IL11RA: variants seen among roughly 807,000 people sequenced by gnomAD.
IL11RA encodes interleukin-11 receptor subunit alpha.
IL11RA carries 51 observed loss-of-function variants against 57.0 expected under a neutral mutation model. The ratio of observed to expected loss-of-function variants is 0.89; its 90% confidence interval spans 0.71 to 1.13. The LOEUF is 1.13. Ranked by LOEUF, IL11RA falls within the 50% of genes most tolerant of loss-of-function variation. The pLI is 0.00. For missense variants in IL11RA, 498 were observed against 539.4 expected (o/e 0.92, Z 0.76); for synonymous variants, 199 against 217.5 (o/e 0.91, Z 0.75).
intron 11 of IL11RA, 76 bp from the exon 12 acceptor site, chr9:34,660,778 C>G: frequency 7.3e-7 from 1 of 1,373,284 alleles, no homozygotes; most frequent in African/African-American, 1.4e-5. Flanking sequence ...TCTCCTGACC[C>G]TTTACTAATA....
Position 34,660,871 on chromosome 9 carries a change from G to C in IL11RA, c.1187G>C (p.Gly396Ala), listed in dbSNP as rs1821442741. ...ALGLWLRLRR[G>A]GKDGSPKPGF... Reference sequence around the variant, plus strand: ...TGCCCCAGGCTGAGGCTGAGACGGGGTGGGAAGGATGGATCCCCAAAGCCT... The same window carrying C: ...TGCCCCAGGCTGAGGCTGAGACGGGCTGGGAAGGATGGATCCCCAAAGCCT... Residue 396 changes from glycine to alanine, a missense_variant, in exon 12 of 13, where the codon GGT (glycine) becomes GCT (alanine). By Grantham distance (60) the Gly-to-Ala change is moderately conservative. Coordinates refer to ENST00000441545, the MANE Select transcript of IL11RA (RefSeq NM_001142784.3). 3 of 1,614,114 alleles carry C rather than the reference G, an allele frequency of 1.9e-6. No homozygotes were observed. In the South Asian group the frequency reaches 3.3e-5, roughly 18 times the overall value.
intron 6 of IL11RA, 29 bp downstream of exon 6, chr9:34,657,364 C>T: frequency 1.2e-6 from 2 of 1,614,106 alleles, no homozygotes; most frequent in Non-Finnish European, 1.7e-6. Flanking sequence ...TGTGGGGGCT[C>T]CAGCTGGGTC....
chr9:34,654,078 G>A (rs1821297437), intron 1 of IL11RA: 2 of 152,552 alleles, frequency 1.3e-5, no homozygotes, highest in Admixed American at 1.3e-4. Flanking sequence ...CAGACACACA[G>A]ACAGGTGGAG....
intron 2 of IL11RA, 71 bp from the exon 3 acceptor site, chr9:34,655,534 C>T: frequency 7.1e-7 from 1 of 1,412,482 alleles, no homozygotes; most frequent in Non-Finnish European, 1.0e-6. Context: ...CAGTCTGCTT[C>T]TTATCTGTCA....
intron 2 of IL11RA, 33 bp from the exon 3 acceptor site, chr9:34,655,572 G>A (rs377086387): frequency 6.2e-7 from 1 of 1,607,632 alleles, no homozygotes; most frequent in South Asian, 1.1e-5. Flanking sequence ...GGGGGGTAAA[G>A]GAAGAGCCTT....
At chr9:34,657,217 C>T (rs1286403435) in intron 5 of IL11RA, 68 bp downstream of exon 5, 1 of 1,606,408 alleles carries the variant, frequency 6.2e-7, no homozygotes, top group Non-Finnish European at 8.5e-7. Context: ...GTGTGGGAGG[C>T]AGGGAGGTAG....
chr9:34,655,629 G>A lies in IL11RA; in HGVS notation c.125G>A (p.Arg42Lys), dbSNP rs780635538. The A allele has an allele frequency of 6.2e-7, 1 of 1,614,140 alleles. No homozygotes were observed. Among genetic ancestry groups the A allele is most frequent in the Non-Finnish European group, 8.5e-7 (1 of 1,180,020 alleles). The change falls in exon 3 of 13, where the codon AGG (arginine) becomes AAG (lysine). Residue 42 changes from arginine (R) to lysine (K), a missense_variant. Arg to Lys is a conservative substitution (Grantham distance 26). Coordinates refer to ENST00000441545, the MANE Select transcript of IL11RA (RefSeq NM_001142784.3). ...GGGGTCCAGTATGGGCAGCCAGGCA[G>A]GTCCGTGAAGCTGTGTTGTCCTGGA... The part of the protein sequence containing the change: ...PPGVQYGQPG[R>K]SVKLCCPGVT...
Position 34,658,533 on chromosome 9 carries a change from A to G in IL11RA, c.660A>G (p.Pro220=). Residue 220 remains proline, a synonymous_variant, in exon 8 of 13, where the codon CCA becomes CCG. Transcript: ENST00000441545. This position sits in a 1 kb window ranked among gnomAD's most constrained non-coding sequence, Gnocchi z 4.0. ...VSLQSILRPD[P]PQGLRVESVP... Reference sequence around the variant, plus strand: ...TGATGCCCTTAGTGCGCCCTGACCCACCCCAGGGCCTGCGGGTAGAGTCAG... The same window carrying G: ...TGATGCCCTTAGTGCGCCCTGACCCGCCCCAGGGCCTGCGGGTAGAGTCAG... The G allele has an allele frequency of 6.2e-7, 1 of 1,613,658 alleles. No homozygotes were observed. The highest frequency in any genetic ancestry group is 8.5e-7 in the Non-Finnish European group (1 of 1,179,938).
At chr9:34,655,508 AC>A in intron 2 of IL11RA, 96 bp from the exon 3 acceptor site, 1 of 1,118,386 alleles carries the variant, frequency 8.9e-7, no homozygotes, top group Non-Finnish European at 1.4e-6. Context: ...TGAGCCCCCC[AC>A]CACCCAGGTT....
At chr9:34,655,826 AC>A in intron 3 of IL11RA, 161 bp downstream of exon 3, 1 of 718,424 alleles carries the variant, frequency 1.4e-6, no homozygotes, top group Non-Finnish European at 2.5e-6. Context: ...AGAAAATTCA[AC>A]TGGTATGTTT....
Position 34,657,515 on chromosome 9 carries a change from C to G in IL11RA, c.574C>G (p.Arg192Gly). 6.2e-7 allele frequency: 1 copy of G among 1,614,192 alleles called. No individual in the cohort carries two copies. Among genetic ancestry groups the G allele is most frequent in the Non-Finnish European group, 8.5e-7 (1 of 1,180,022 alleles). The change falls in exon 7 of 13, where the codon CGG (arginine) becomes GGG (glycine). Residue 192 changes from arginine (R) to glycine (G), a missense_variant. Coordinates refer to ENST00000441545, the MANE Select transcript of IL11RA (RefSeq NM_001142784.3). ...CGGGGCTGAGTTCTGGAGCCAGTAC[C>G]GGATTAATGTGACTGAGGTGAACCC... is the stretch of plus-strand genomic sequence containing the variant. ...VHGAEFWSQY[R>G]INVTEVNPLG... is the part of the protein sequence containing the mutation.
chr9:34,659,624 A>G (rs905214773), intron 8 of IL11RA, 135 bp from the exon 9 acceptor site: 1 of 1,047,008 alleles, frequency 9.6e-7, no homozygotes. Context: ...GCTCCACCAG[A>G]CACCCAACAT....
chr9:34,660,783 C>A, intron 11 of IL11RA, 71 bp from the exon 12 acceptor site: 1 of 1,399,080 alleles, frequency 7.1e-7, no homozygotes, highest in Non-Finnish European at 1.0e-6. Flanking sequence ...TGACCCTTTA[C>A]TAATAAACCC....
intron 5 of IL11RA, 37 bp downstream of exon 5, chr9:34,657,186 G>A: frequency 6.2e-7 from 1 of 1,605,622 alleles, no homozygotes. Context: ...CTACACATTT[G>A]GGTATGCTGG....
rs1239381038 is a variant in IL11RA at position 34,656,733 on chromosome 9, T to TGC, written c.162-6_162-5insGC. On this transcript the variant is annotated splice_region_variant and splice_polypyrimidine_tract_variant and intron_variant, in intron 3 of 12. Coordinates refer to ENST00000441545, the MANE Select transcript of IL11RA (RefSeq NM_001142784.3). ...TTTGTCCATTGTCACCTCATCTCAC[T>TGC]TCCAGGGACCCAGTGTCCTGGTTTC... 1 of 1,614,182 alleles carries TGC rather than the reference T, an allele frequency of 6.2e-7. No homozygotes were observed. Among genetic ancestry groups the TGC allele is most frequent in the East Asian group, 2.2e-5 (1 of 44,888 alleles).
Position 34,661,567 on chromosome 9 carries a change from A to T in IL11RA, c.*69A>T. 16 of 1,378,800 alleles carry T rather than the reference A, an allele frequency of 1.2e-5. No homozygotes were observed. Among genetic ancestry groups the T allele is most frequent in the Non-Finnish European group, 1.4e-5 (14 of 973,910 alleles). The allele number at this position is 1,378,800 out of a possible 1,614,324, so 85.4% of individuals were successfully genotyped here. A position where few individuals can be genotyped will look rare whatever the true frequency, so the allele number is the denominator to read the frequency against. On this transcript the variant is annotated 3_prime_UTR_variant, in exon 13 of 13. Coordinates refer to ENST00000441545, the MANE Select transcript of IL11RA (RefSeq NM_001142784.3). The stretch of plus-strand genomic sequence containing the variant: ...TTGCTGGTGTGGATAGAAACCAGGC[A>T]GGACAGTAGATCCCTATGGTTGGAT...
rs200472583 is a variant in IL11RA at position 34,657,093 on chromosome 9, C to T, written c.390C>T (p.Cys130=). 4 of 1,614,174 alleles carry T rather than the reference C, an allele frequency of 2.5e-6. No homozygotes were observed. The highest frequency in any genetic ancestry group is 2.5e-6 in the Non-Finnish European group (3 of 1,180,032). The part of the protein sequence containing the change: ...CQAADYENFS[C]TWSPSQISGL... ...CAGCCGACTATGAGAACTTCTCTTG[C>T]ACTTGGAGTCCCAGCCAGATCAGCG... The change falls in exon 5 of 13, where the codon TGC becomes TGT. Residue 130 remains cysteine (C), a synonymous_variant. Transcript: ENST00000441545.
chr9:34,654,203 C>T (rs1214642823), intron 1 of IL11RA, among the ~76,000 whole-genome samples: 2 of 152,124 alleles, frequency 1.3e-5, no homozygotes, highest in Admixed American at 6.5e-5. Context: ...TCACCACTGC[C>T]TTCCTCCTTC....
chr9:34,655,016 T>TGC lies in IL11RA; in HGVS notation c.1-195_1-194dup, dbSNP rs1554709970. ...GTCCGTGTGTGTGTGTGTGTGTGTG[T>TGC]GCGCGCGCACGCACATGCAAAGCAC... On this transcript the variant is annotated intron_variant, in intron 1 of 12. Transcript: ENST00000441545. 3.4e-3 allele frequency: 1,870 copies of TGC among 557,562 alleles called. 5 individuals carry two copies. The highest frequency in any genetic ancestry group is 0.012 in the Middle Eastern group (25 of 2,012). The allele number at this position is 557,562 out of a possible 1,614,324, so 34.5% of individuals were successfully genotyped here.
Sources: allele counts gnomAD v4.1 joint callset (sites outside exome capture counted in the v4.1 genomes callset), GRCh38; gene constraint gnomAD v4.1.1; non-coding constraint Gnocchi (gnomAD v3.1); transcripts MANE v1.5; gene names NCBI Gene and HGNC (gene_info 2026-07-23, HGNC 2026-07-21).